Variants in DPH6 observed in about 807,000 individuals in gnomAD.
DPH6 encodes diphthamine biosynthesis 6.
A neutral mutation model predicts 38.2 loss-of-function variants in DPH6; 33 were observed. The ratio of observed to expected loss-of-function variants is 0.86; its 90% CI spans 0.65 to 1.15. The LOEUF is 1.15. DPH6 is among the 50% of genes most tolerant of loss of function. DPH6 has a pLI of 0.00. For missense variants in DPH6, 325 were observed against 320.0 expected (o/e 1.02, Z -0.12); for synonymous variants, 108 against 103.0 (o/e 1.05, Z -0.30).
At chr15:35,194,863 T>C in the DPH6 span, among the ~76,000 whole-genome samples, 1 of 152,240 alleles carries the variant, frequency 6.6e-6, no homozygotes. Context: ...TACATTCATA[T>C]AGACAAATCA....
At chr15:35,303,023 T>G (rs932683869) in intron 3 of DPH6, among the ~76,000 whole-genome samples, 5 of 152,272 alleles carry the variant, frequency 3.3e-5, no homozygotes, top group South Asian at 4.1e-4. Flanking sequence ...GGGGCAAGTC[T>G]TCTTTGTTCT....
intron 6 of DPH6, chr15:35,396,254 C>A (rs776452243): frequency 1.1e-4 from 17 of 147,926 alleles, no homozygotes; most frequent in Non-Finnish European, 2.1e-4. Context: ...TATCACAATG[C>A]AAGAATTCCT....
At chr15:35,538,494 A>G (rs1038586138) in intron 2 of DPH6, 27 bp from the exon 3 acceptor site, 1 of 1,443,966 alleles carries the variant, frequency 6.9e-7, no homozygotes. Context: ...GGAAATAATT[A>G]GCAAAAGAGA....
chr15:35,392,998 A>G (rs1444428617), intron 6 of DPH6, among the ~76,000 whole-genome samples: 3 of 152,238 alleles, frequency 2.0e-5, no homozygotes, highest in Non-Finnish European at 2.9e-5. Flanking sequence ...TCTAGACAGA[A>G]GACAGGTCTT....
At chr15:35,247,935 T>A (rs1383619611) in intron 3 of DPH6, among the ~76,000 whole-genome samples, 1 of 152,236 alleles carries the variant, frequency 6.6e-6, no homozygotes, top group South Asian at 2.1e-4. Flanking sequence ...CCTGATTAAC[T>A]GTCTAACAAT....
At position 35,519,986 on chromosome 15, in the gene DPH6, GT is replaced by G. The variant is rs149567525; in HGVS notation, c.312+18287del. 1,501 of 152,010 alleles carry G rather than the reference GT, an allele frequency of 9.9e-3. 19 individuals are homozygous for G. The highest frequency in any genetic ancestry group is 0.035 in the African/African-American group (1,434 of 41,492). The allele number at this position is 152,010 out of a possible 1,614,324, so 9.4% of individuals were successfully genotyped here. On this transcript the variant is annotated intron_variant, in intron 3 of 8. Transcript: ENST00000256538. ...CCTTTGTAGTGCTTTCATGAGAAAG[GT>G]AAGTAATCATAGCACCTCCTTATCC...
chr15:35,152,577 G>GCA, the DPH6 span, among the ~76,000 whole-genome samples: 1,263 of 152,214 alleles, frequency 8.3e-3, 16 homozygotes, highest in African/African-American at 0.029. Flanking sequence ...TCCGTTCACT[G>GCA]CAACCTCCAC....
At chr15:35,242,125 G>C (rs2051604263) in intron 3 of DPH6, among the ~76,000 whole-genome samples, 1 of 144,398 alleles carries the variant, frequency 6.9e-6, no homozygotes, top group Admixed American at 7.4e-5. Context: ...AATTACCTGG[G>C]CTGTACCGCC....
chr15:35,342,981 G>A (rs1029166544), intron 3 of DPH6, among the ~76,000 whole-genome samples: 10 of 152,150 alleles, frequency 6.6e-5, no homozygotes, highest in African/African-American at 2.4e-4. Context: ...TACCCTCACT[G>A]TGATTGTATT....
intron 3 of DPH6, among the ~76,000 whole-genome samples, chr15:35,281,194 T>C (rs1451063755): frequency 6.6e-6 from 1 of 152,114 alleles, no homozygotes; most frequent in Non-Finnish European, 1.5e-5. Context: ...TGAACTGTCC[T>C]GTAAAAATCA....
At chr15:35,347,852 T>C (rs2052475638) in intron 3 of DPH6, among the ~76,000 whole-genome samples, 1 of 152,144 alleles carries the variant, frequency 6.6e-6, no homozygotes. Flanking sequence ...TCCCAATAGA[T>C]ATGAGGTAAT....
At chr15:35,215,953 A>G (rs2051409296), downstream of DPH6, among the ~76,000 whole-genome samples, 1 of 152,226 alleles carries the variant, frequency 6.6e-6, no homozygotes, top group Non-Finnish European at 1.5e-5. Flanking sequence ...TTTAATTTCC[A>G]TAGGCATCTT....
At chr15:35,267,627 T>C (rs2051791366) in intron 3 of DPH6, among the ~76,000 whole-genome samples, 1 of 152,212 alleles carries the variant, frequency 6.6e-6, no homozygotes, top group Non-Finnish European at 1.5e-5. Flanking sequence ...AAACTTCTAA[T>C]TGTTCATCAG....
At chr15:35,268,031 G>A (rs563314327) in intron 3 of DPH6, among the ~76,000 whole-genome samples, 9 of 151,998 alleles carry the variant, frequency 5.9e-5, no homozygotes, top group East Asian at 1.9e-4. Flanking sequence ...TTAGCCGGGC[G>A]TGGTGGCAGG....
At chr15:35,398,452 A>G (rs561181273) in intron 6 of DPH6, among the ~76,000 whole-genome samples, 166 of 152,312 alleles carry the variant, frequency 1.1e-3, no homozygotes, top group African/African-American at 3.8e-3. Context: ...TGAAGCCTCC[A>G]TGAAAACCCG....
At chr15:35,507,629 A>G (rs577910234) in intron 3 of DPH6, among the ~76,000 whole-genome samples, 2 of 152,296 alleles carry the variant, frequency 1.3e-5, no homozygotes, top group Middle Eastern at 6.8e-3. Flanking sequence ...CTGTTAATAC[A>G]GTACAATTCT....
the DPH6 span, chr15:35,181,736 G>A: frequency 6.6e-6 from 1 of 152,110 alleles, no homozygotes; most frequent in Non-Finnish European, 1.5e-5. Flanking sequence ...GAGAGAAATA[G>A]TGGAAGAAAT....
intron 6 of DPH6, chr15:35,401,223 C>T (rs2053214849): frequency 3.4e-6 from 4 of 1,171,028 alleles, no homozygotes; most frequent in South Asian, 1.2e-5. Context: ...GTGCTTCATC[C>T]AGCCAAAGAG....
chr15:35,397,914 C>A (rs1010357693), intron 6 of DPH6, among the ~76,000 whole-genome samples: 2 of 149,498 alleles, frequency 1.3e-5, no homozygotes, highest in South Asian at 2.1e-4. Context: ...CACACACACA[C>A]AAGATTCTGA....
Sources: allele counts gnomAD v4.1 joint callset (sites outside exome capture counted in the v4.1 genomes callset), GRCh38; gene constraint gnomAD v4.1.1; transcripts MANE v1.5; gene names NCBI Gene and HGNC (gene_info 2026-07-23, HGNC 2026-07-21).